ITPRID1: variants seen among roughly 807,000 people sequenced by gnomAD.
ITPRID1 encodes the protein protein ITPRID1.
ITPRID1 carries 96 observed loss-of-function variants against 95.4 expected under a neutral mutation model. That is an observed-to-expected ratio of 1.01 (90% CI 0.85 to 1.19). The LOEUF (loss-of-function observed/expected upper bound fraction) is 1.19, where lower values mean the gene tolerates loss of function less well. ITPRID1 is among the 50% of genes most tolerant of loss of function. The pLI is 0.00. For synonymous variants in ITPRID1, 510 were observed against 453.6 expected (o/e 1.12, Z -1.58); for missense variants, 1,339 against 1,252.9 (o/e 1.07, Z -1.04).
intron 1 of ITPRID1, among the ~76,000 whole-genome samples, chr7:31,519,620 C>CCATATATATATATATATATACATATATA: frequency 4.0e-5 from 1 of 25,254 alleles, no homozygotes; most frequent in Non-Finnish European, 7.3e-5. Flanking sequence ...CTCTCTCTCT[C>CCATATATATATATATATATACATATATA]TATATATATA....
At chr7:31,564,655 G>A (rs1257787721) in intron 5 of ITPRID1, among the ~76,000 whole-genome samples, 1 of 152,158 alleles carries the variant, frequency 6.6e-6, no homozygotes, top group Non-Finnish European at 1.5e-5. Flanking sequence ...CCAGGTAGCA[G>A]GAGTAGTTTG....
intron 8 of ITPRID1, among the ~76,000 whole-genome samples, chr7:31,577,320 T>G (rs911128847): frequency 1.3e-5 from 2 of 152,206 alleles, no homozygotes; most frequent in African/African-American, 4.8e-5. Context: ...GTGTAGCTCT[T>G]AGTTATTTTA....
intron 1 of ITPRID1, among the ~76,000 whole-genome samples, chr7:31,533,862 C>G (rs1215350063): frequency 6.6e-6 from 1 of 152,010 alleles, no homozygotes; most frequent in African/African-American, 2.4e-5. Context: ...TGTCTTATGG[C>G]CCAGTAGATG....
At chr7:31,572,211 T>C (rs1461345938) in intron 7 of ITPRID1, 23 bp downstream of exon 7, 11 of 1,463,990 alleles carry the variant, frequency 7.5e-6, no homozygotes, top group African/African-American at 2.8e-5. Context: ...CAGGTGCTTT[T>C]CATCCTGAGA....
chr7:31,550,108 A>C (rs1784231805), intron 2 of ITPRID1, among the ~76,000 whole-genome samples: 2 of 150,390 alleles, frequency 1.3e-5, no homozygotes, highest in South Asian at 4.2e-4. Flanking sequence ...CCTTGATAAC[A>C]TTTTGGTACC....
intron 10 of ITPRID1, among the ~76,000 whole-genome samples, chr7:31,626,867 A>C (rs1788513128): frequency 1.3e-5 from 2 of 152,220 alleles, no homozygotes; most frequent in African/African-American, 4.8e-5. Context: ...AACACACAGT[A>C]AGCACCCAAC....
chr7:31,568,121 T>TG (rs1003639639), intron 5 of ITPRID1, among the ~76,000 whole-genome samples: 2 of 102,062 alleles, frequency 2.0e-5, no homozygotes, highest in Non-Finnish European at 2.0e-5. Flanking sequence ...GCGAACTGTC[T>TG]GAAAAAAAAA....
At position 31,655,472 on chromosome 7, in the gene ITPRID1, A is replaced by G. The variant is rs1791254482; in HGVS notation, c.*2643A>G. On this transcript the variant is annotated 3_prime_UTR_variant, in exon 15 of 15. Transcript: ENST00000615280. ...TCTGCCAGGTTGGGCTCTCTCAGCC[A>G]CCATGTGGGTCATATTTGCTGGATC... Among the ~76,000 whole-genome samples the G allele has an allele frequency of 6.6e-6, 1 of 152,120 alleles. No homozygotes were observed. The highest frequency in any genetic ancestry group is 6.5e-5 in the Admixed American group (1 of 15,274).
At chr7:31,539,226 C>T (rs1783855100) in intron 1 of ITPRID1, among the ~76,000 whole-genome samples, 1 of 151,980 alleles carries the variant, frequency 6.6e-6, no homozygotes, top group South Asian at 2.1e-4. Flanking sequence ...GCTCTGTTGC[C>T]CAGGCTGGAG....
intron 2 of ITPRID1, among the ~76,000 whole-genome samples, chr7:31,552,093 C>G (rs1405902234): frequency 2.8e-5 from 4 of 143,338 alleles, no homozygotes; most frequent in Admixed American, 2.1e-4. Context: ...CGAACAATTT[C>G]TTTTGCTGCG....
chr7:31,630,485 A>T (rs1269961114), intron 10 of ITPRID1, among the ~76,000 whole-genome samples: 1 of 152,112 alleles, frequency 6.6e-6, no homozygotes, highest in Non-Finnish European at 1.5e-5. Flanking sequence ...ATTCTCATTG[A>T]TTAGTATTAG....
At position 31,600,805 on chromosome 7, in the gene ITPRID1, C is replaced by A. The variant is rs370256372; in HGVS notation, c.1228+17614C>A. Among the ~76,000 whole-genome samples the A allele has an allele frequency of 2.0e-4, 30 of 152,176 alleles. 1 individual carries two copies. In the South Asian group the frequency reaches 6.0e-3, roughly 31 times the overall value. On this transcript the variant is annotated intron_variant, in intron 10 of 14. Coordinates refer to ENST00000615280, the MANE Select transcript of ITPRID1 (RefSeq NM_001257967.3). ...CATTTTTGTCTCTCAACATGCATGC[C>A]CAGGAAGTTGCTTCTTCCTGGGGCT...
chr7:31,516,849 G>A (rs1026375480), intron 1 of ITPRID1, among the ~76,000 whole-genome samples: 1 of 152,132 alleles, frequency 6.6e-6, no homozygotes, highest in African/African-American at 2.4e-5. Context: ...CTGACTTCAA[G>A]AATGAAGCCA....
In ITPRID1 at chr7:31,651,224, T is replaced by TG; in HGVS notation, c.2669dup (p.Gln891ThrfsTer25). ...TTAGAAGAAATTGAACAGCACCTTA[T>TG]GGGACAGCAGGCCCTCTTTTCCAGG... On this transcript the variant is annotated frameshift_variant, in exon 13 of 15. Transcript: ENST00000615280. LOFTEE classifies it high-confidence loss of function. 1.2e-6 allele frequency: 2 copies of TG among 1,613,584 alleles called. No individual in the cohort carries two copies. Among genetic ancestry groups the TG allele is most frequent in the Middle Eastern group, 1.7e-4 (1 of 6,056 alleles).
chr7:31,635,878 C>G (rs555889468), intron 10 of ITPRID1, among the ~76,000 whole-genome samples: 19 of 152,194 alleles, frequency 1.2e-4, no homozygotes, highest in African/African-American at 4.3e-4. Context: ...CACCATGGCA[C>G]AAGTTTACCT....
At chr7:31,578,534 C>G (rs981974888) in intron 9 of ITPRID1, 100 bp downstream of exon 9, 2 of 807,826 alleles carry the variant, frequency 2.5e-6, no homozygotes, top group Non-Finnish European at 3.8e-6. Flanking sequence ...CTTTTAATCC[C>G]TCAGCATTAC....
chr7:31,621,912 C>G (rs1241337804), intron 10 of ITPRID1, among the ~76,000 whole-genome samples: 1 of 151,432 alleles, frequency 6.6e-6, no homozygotes, highest in Non-Finnish European at 1.5e-5. Flanking sequence ...GGAGGAAGAT[C>G]TACCAAGCCA....
chr7:31,641,384 A>G (rs1467793218), intron 10 of ITPRID1, among the ~76,000 whole-genome samples: 1 of 152,130 alleles, frequency 6.6e-6, no homozygotes, highest in African/African-American at 2.4e-5. Context: ...CTTGTATTCT[A>G]AGGAGGCCAC....
chr7:31,572,586 A>T (rs1785029414), intron 7 of ITPRID1, among the ~76,000 whole-genome samples: 1 of 152,212 alleles, frequency 6.6e-6, no homozygotes, highest in Non-Finnish European at 1.5e-5. Context: ...TAAAACATGT[A>T]TGTAACTGCA....
Sources: gnomAD v4.1 joint callset for allele counts (sites outside exome capture counted in the v4.1 genomes callset) on GRCh38, gnomAD v4.1.1 for gene constraint, MANE v1.5 for transcripts, NCBI Gene and HGNC (gene_info 2026-07-23, HGNC 2026-07-21) for gene names.